CACNG5: variants seen among roughly 807,000 people sequenced by gnomAD.
CACNG5 encodes the protein calcium voltage-gated channel auxiliary subunit gamma 5, also known as voltage-dependent calcium channel gamma-5 subunit.
Under a neutral mutation model 24.8 loss-of-function variants are expected in CACNG5, and 18 were observed. The ratio of observed to expected loss-of-function variants is 0.73; its 90% confidence interval spans 0.50 to 1.08. The LOEUF (loss-of-function observed/expected upper bound fraction) is 1.08. CACNG5 is among the 50% of genes least tolerant of loss of function. CACNG5 has a pLI of 0.00. For synonymous variants in CACNG5, 157 were observed against 149.1 expected (o/e 1.05, Z -0.39); for missense variants, 349 against 367.9 (o/e 0.95, Z 0.42).
chr17:66,860,732 T>A (rs908879858), intron 1 of CACNG5, among the ~76,000 whole-genome samples: 1 of 152,140 alleles, frequency 6.6e-6, no homozygotes, highest in Admixed American at 6.5e-5. Context: ...CCAGTGAAGA[T>A]AATTATGTAG....
chr17:66,856,828 C>G (rs1242914069), intron 1 of CACNG5, among the ~76,000 whole-genome samples: 1 of 151,968 alleles, frequency 6.6e-6, no homozygotes, highest in Non-Finnish European at 1.5e-5. Flanking sequence ...CAGGTGTGAG[C>G]CACCACACCT....
At chr17:66,850,210 T>G (rs1976695064) in intron 1 of CACNG5, among the ~76,000 whole-genome samples, 1 of 152,188 alleles carries the variant, frequency 6.6e-6, no homozygotes, top group African/African-American at 2.4e-5. Context: ...TCCCCATCCC[T>G]GCTCTTTTGG....
chr17:66,888,734 T>C lies in CACNG5; in HGVS notation c.*3494T>C, dbSNP rs1163026204. ...AGACAGCTTGGAATGTTTCTGTGTG[T>C]GGGAGAAGTTTATGGCAGGGTTGGA... On this transcript the variant is annotated 3_prime_UTR_variant, in exon 6 of 6. Coordinates refer to ENST00000533854, the MANE Select transcript of CACNG5 (RefSeq NM_145811.3). Among the ~76,000 whole-genome samples the C allele has an allele frequency of 6.6e-6, 1 of 152,026 alleles. No individual in the cohort carries two copies. The highest frequency in any genetic ancestry group is 1.5e-5 in the Non-Finnish European group (1 of 67,996).
At position 66,893,903 on chromosome 17, in the gene CACNG5, C is replaced by A. The variant is rs997300462; in HGVS notation, c.*8663C>A. Among the ~76,000 whole-genome samples, 24 of 152,094 alleles carry A rather than the reference C, an allele frequency of 1.6e-4. No homozygotes were observed. Among genetic ancestry groups the A allele is most frequent in the Non-Finnish European group, 2.6e-4 (18 of 68,016 alleles). On this transcript the variant is annotated 3_prime_UTR_variant, in exon 6 of 6. Coordinates refer to ENST00000533854, the MANE Select transcript of CACNG5 (RefSeq NM_145811.3). ...TTTTACTTAGATGCAAGAAGTGTCA[C>A]CTTGTTGTGTTAAATTAAGTCTGTC...
intron 1 of CACNG5, among the ~76,000 whole-genome samples, chr17:66,846,485 A>G (rs1206504524): frequency 6.6e-6 from 1 of 152,160 alleles, no homozygotes; most frequent in African/African-American, 2.4e-5. Context: ...TAATCATACA[A>G]CAAGTGGCCC....
At chr17:66,841,287 G>A (rs889982411) in intron 1 of CACNG5, among the ~76,000 whole-genome samples, 1 of 152,220 alleles carries the variant, frequency 6.6e-6, no homozygotes, top group Admixed American at 6.5e-5. Flanking sequence ...CGTTCCAAAA[G>A]AGGCAATCAG....
At chr17:66,876,266 A>G (rs985436983) in intron 1 of CACNG5, among the ~76,000 whole-genome samples, 2 of 152,212 alleles carry the variant, frequency 1.3e-5, no homozygotes, top group African/African-American at 4.8e-5. Flanking sequence ...GCTCAATTGT[A>G]TCAGAATCTC....
intron 1 of CACNG5, among the ~76,000 whole-genome samples, chr17:66,862,133 C>T (rs4791022): frequency 0.32 from 48,205 of 151,832 alleles, 9,221 homozygotes; most frequent in East Asian, 0.64. Context: ...ATGGTGGGTC[C>T]GGGAGTGATT....
intron 1 of CACNG5, among the ~76,000 whole-genome samples, chr17:66,840,915 T>G (rs1353725751): frequency 6.6e-6 from 1 of 152,150 alleles, no homozygotes; most frequent in Non-Finnish European, 1.5e-5. Context: ...AGGTGGTGTG[T>G]CCTCCAGAGC....
At chr17:66,875,063 G>A (rs1400965185) in intron 1 of CACNG5, among the ~76,000 whole-genome samples, 1 of 152,158 alleles carries the variant, frequency 6.6e-6, no homozygotes, top group Non-Finnish European at 1.5e-5. Context: ...CCAGGACCTG[G>A]GTTCTGCCTG....
chr17:66,847,483 C>A (rs778836417), intron 1 of CACNG5, among the ~76,000 whole-genome samples: 3 of 152,054 alleles, frequency 2.0e-5, no homozygotes. Context: ...AGGGGAACTG[C>A]CCTTTATAAA....
At chr17:66,867,418 GCTGT>G (rs1449134902) in intron 1 of CACNG5, among the ~76,000 whole-genome samples, 6 of 152,172 alleles carry the variant, frequency 3.9e-5, no homozygotes, top group African/African-American at 1.4e-4. Context: ...CATTCTGTTG[GCTGT>G]CTGTTCACTT....
At chr17:66,851,292 T>C (rs1976707417) in intron 1 of CACNG5, among the ~76,000 whole-genome samples, 1 of 152,110 alleles carries the variant, frequency 6.6e-6, no homozygotes, top group African/African-American at 2.4e-5. Context: ...TGATGGAACT[T>C]CTAGCTCACC....
rs1466586359 is a variant in CACNG5, at chr17:66,887,803, T to C, written c.*2563T>C. On this transcript the variant is annotated 3_prime_UTR_variant, in exon 6 of 6. Transcript: ENST00000533854. Reference sequence around the variant, plus strand: ...GCCCTTAGCCTGGGAAGATGTGGTTTACACGCATCTTAGGAACAGGTTCTC... The same window carrying C: ...GCCCTTAGCCTGGGAAGATGTGGTTCACACGCATCTTAGGAACAGGTTCTC... Among the ~76,000 whole-genome samples the C allele has an allele frequency of 6.6e-6, 1 of 152,160 alleles. No individual in the cohort carries two copies. The highest frequency in any genetic ancestry group is 1.5e-5 in the Non-Finnish European group (1 of 68,032).
intron 1 of CACNG5, among the ~76,000 whole-genome samples, chr17:66,875,351 A>G (rs1977061728): frequency 6.6e-6 from 1 of 152,194 alleles, no homozygotes; most frequent in African/African-American, 2.4e-5. Flanking sequence ...AGGAAGGATC[A>G]TTGTGGCTTA....
In CACNG5 at chr17:66,890,579, G is replaced by T. The variant is rs1361903970; in HGVS notation, c.*5339G>T. 1.3e-5 allele frequency among the ~76,000 whole-genome samples: 2 copies of T among 152,234 alleles called. No individual in the cohort carries two copies. The highest frequency in any genetic ancestry group is 4.8e-5 in the African/African-American group (2 of 41,454). Reference sequence around the variant, plus strand: ...CTGGTGTGTGAAGCCAGGACTCCCTGTGTGCTCACTGTGGGGCTAAGGTTT... The same window carrying T: ...CTGGTGTGTGAAGCCAGGACTCCCTTTGTGCTCACTGTGGGGCTAAGGTTT... On this transcript the variant is annotated 3_prime_UTR_variant, in exon 6 of 6. Coordinates refer to ENST00000533854, the MANE Select transcript of CACNG5 (RefSeq NM_145811.3).
rs1295072050 is a variant in CACNG5 at position 66,888,444 on chromosome 17, T to C, written c.*3204T>C. 1.4e-5 allele frequency among the ~76,000 whole-genome samples: 2 copies of C among 145,822 alleles called. No homozygotes were observed. Among genetic ancestry groups the C allele is most frequent in the Non-Finnish European group, 3.0e-5 (2 of 67,476 alleles). The stretch of plus-strand genomic sequence containing the variant: ...CTGTAGTCCCAGCTACTTGGGAGGC[T>C]GAAGCAGGAGAATGGCGTGAACCTG... On this transcript the variant is annotated 3_prime_UTR_variant, in exon 6 of 6. Transcript: ENST00000533854.
chr17:66,864,712 G>A (rs1272296292), intron 1 of CACNG5, among the ~76,000 whole-genome samples: 1 of 152,136 alleles, frequency 6.6e-6, no homozygotes, highest in African/African-American at 2.4e-5. Flanking sequence ...AGCATGAATA[G>A]CTGGTAGTTC....
rs1434981000 is a variant in CACNG5, at chr17:66,890,886, T to C, written c.*5646T>C. ...ACTCCTCCCAGCCCCTGCCTCCTGATGGAGGCACCCAGATGACAACACTCC... is the reference window on the plus strand; with the variant it reads ...ACTCCTCCCAGCCCCTGCCTCCTGACGGAGGCACCCAGATGACAACACTCC... On this transcript the variant is annotated 3_prime_UTR_variant, in exon 6 of 6. Transcript: ENST00000533854. Among the ~76,000 whole-genome samples, 1 of 152,208 alleles carries C rather than the reference T, an allele frequency of 6.6e-6. No individual in the cohort carries two copies. Among genetic ancestry groups the C allele is most frequent in the Non-Finnish European group, 1.5e-5 (1 of 68,042 alleles).
Sources: gnomAD v4.1 joint callset for allele counts (sites outside exome capture counted in the v4.1 genomes callset) on GRCh38, gnomAD v4.1.1 for gene constraint, MANE v1.5 for transcripts, NCBI Gene and HGNC (gene_info 2026-07-23, HGNC 2026-07-21) for gene names.